EPB41L4A: variants seen among roughly 807,000 people sequenced by gnomAD.
EPB41L4A encodes the protein erythrocyte membrane protein band 4.1 like 4A, also known as band 4.1-like protein 4A.
A neutral mutation model predicts 108.6 loss-of-function variants in EPB41L4A; 100 were observed. That is an observed-to-expected ratio of 0.92 (90% confidence interval 0.78 to 1.09). The LOEUF (loss-of-function observed/expected upper bound fraction) is 1.09. Ranked by LOEUF, EPB41L4A falls within the 50% of genes least tolerant of loss-of-function variation. The pLI, the probability that EPB41L4A is intolerant of heterozygous loss-of-function variation, is 0.00. For missense variants in EPB41L4A, 1,030 were observed against 842.7 expected (o/e 1.22, Z -2.75); for synonymous variants, 319 against 289.0 (o/e 1.10, Z -1.05).
chr5:112,307,328 C>T, intron 2 of EPB41L4A, 58 bp downstream of exon 2: 1 of 1,141,198 alleles, frequency 8.8e-7, no homozygotes, highest in Middle Eastern at 1.9e-4. Flanking sequence ...TCAGGAAAAG[C>T]CAGAGATAGA....
intron 1 of EPB41L4A, among the ~76,000 whole-genome samples, chr5:112,325,207 T>G (rs1027536363): frequency 6.6e-6 from 1 of 152,136 alleles, no homozygotes; most frequent in Non-Finnish European, 1.5e-5. Context: ...TTTGGGAAGC[T>G]GAGGCGGGCA....
At chr5:112,322,035 C>G (rs1462742312) in intron 1 of EPB41L4A, among the ~76,000 whole-genome samples, 1 of 152,144 alleles carries the variant, frequency 6.6e-6, no homozygotes. Context: ...AATAATAAAA[C>G]CAGTAACAAT....
At chr5:112,305,981 T>G (rs552254554) in intron 2 of EPB41L4A, among the ~76,000 whole-genome samples, 9 of 152,240 alleles carry the variant, frequency 5.9e-5, no homozygotes, top group African/African-American at 1.2e-4. Context: ...ACTGCTACAG[T>G]AGGGGCCATT....
rs888736337 is a variant in EPB41L4A, at chr5:112,329,967, G to A, written c.100-22477C>T. ...AAGTCTGCTGAATCACTTTCAAACC[G>A]GATGTCCTTATTTGCAAAACAAATT... On this transcript the variant is annotated intron_variant, in intron 1 of 22. Coordinates refer to ENST00000261486, the MANE Select transcript of EPB41L4A (RefSeq NM_022140.5). Among the ~76,000 whole-genome samples, 9 of 152,206 alleles carry A rather than the reference G, an allele frequency of 5.9e-5. No homozygotes were observed. The South Asian group carries it at 6.2e-4, about 11-fold the overall frequency.
At chr5:112,254,421 C>G (rs576674542) in intron 9 of EPB41L4A, among the ~76,000 whole-genome samples, 1 of 152,324 alleles carries the variant, frequency 6.6e-6, no homozygotes, top group Admixed American at 6.5e-5. Context: ...GTGCTCACGT[C>G]TGTGGCATGT....
At chr5:112,382,315 T>C (rs546719684) in intron 1 of EPB41L4A, among the ~76,000 whole-genome samples, 2 of 151,906 alleles carry the variant, frequency 1.3e-5, no homozygotes, top group South Asian at 4.2e-4. Flanking sequence ...TTCTAACCAA[T>C]AATGGTTAGA....
intron 18 of EPB41L4A, among the ~76,000 whole-genome samples, chr5:112,173,980 C>T (rs1580366758): frequency 6.6e-6 from 1 of 152,116 alleles, no homozygotes. Flanking sequence ...ATCATCAGAC[C>T]TTCTAGCCAT....
chr5:112,375,897 T>A (rs1028613335), intron 1 of EPB41L4A, among the ~76,000 whole-genome samples: 2 of 152,132 alleles, frequency 1.3e-5, no homozygotes, highest in African/African-American at 4.8e-5. Flanking sequence ...AGGAGCAACA[T>A]CCCTGGGGAG....
Position 112,234,586 on chromosome 5 carries a change from T to A in EPB41L4A, c.1087+48A>T, listed in dbSNP as rs543677624. 1.3e-5 allele frequency: 21 copies of A among 1,595,358 alleles called. No homozygotes were observed. The South Asian group carries it at 1.9e-4, about 15-fold the overall frequency. ...CTGAGTATATCTTACACTACCAGCC[T>A]AAAGGAAAACAAGGTTACATAGATA... On this transcript the variant is annotated intron_variant, in intron 12 of 22. Coordinates refer to ENST00000261486, the MANE Select transcript of EPB41L4A (RefSeq NM_022140.5).
downstream of EPB41L4A, among the ~76,000 whole-genome samples, chr5:112,158,802 C>G (rs1425792973): frequency 1.3e-5 from 2 of 152,140 alleles, no homozygotes; most frequent in East Asian, 3.9e-4. Flanking sequence ...AATTACCTCC[C>G]ACCAGCTCCC....
rs191497417 is a variant in EPB41L4A at position 112,228,786 on chromosome 5, T to C, written c.1087+5848A>G. ...CCTCCTGCCGTCCCTTTTCTGGCTTTACCCAAGCTCCTCTGAGGCAGTTTA... is the reference window on the plus strand; with the variant it reads ...CCTCCTGCCGTCCCTTTTCTGGCTTCACCCAAGCTCCTCTGAGGCAGTTTA... On this transcript the variant is annotated intron_variant, in intron 12 of 22. Coordinates refer to ENST00000261486, the MANE Select transcript of EPB41L4A (RefSeq NM_022140.5). 13 of 978,194 alleles carry C rather than the reference T, an allele frequency of 1.3e-5. No homozygotes were observed. The Admixed American group carries it at 1.8e-4, about 14-fold the overall frequency. 60.6% of individuals were successfully genotyped at this position (978,194 alleles called of 1,614,324 possible). A position where few individuals can be genotyped will look rare whatever the true frequency, so the allele number is the denominator to read the frequency against.
rs1263147841 is a variant in EPB41L4A, at chr5:112,275,361, A to C, written c.300T>G (p.Ala100=). ...CTTCTTTAAGTTTACATGGATCTTCAGCATAGAATTTAATACCAAAATACA... is the reference window on the plus strand; with the variant it reads ...CTTCTTTAAGTTTACATGGATCTTCCGCATAGAATTTAATACCAAAATACA... ...YTLYFGIKFY[A]EDPCKLKEEI... Residue 100 remains alanine, a synonymous_variant, in exon 4 of 23, where the codon GCT becomes GCG. Coordinates refer to ENST00000261486, the MANE Select transcript of EPB41L4A (RefSeq NM_022140.5). The C allele has an allele frequency of 1.3e-6, 2 of 1,556,574 alleles. No individual in the cohort carries two copies. Among genetic ancestry groups the C allele is most frequent in the Non-Finnish European group, 8.7e-7 (1 of 1,144,404 alleles).
intron 2 of EPB41L4A, among the ~76,000 whole-genome samples, chr5:112,307,115 A>G (rs570712910): frequency 6.6e-6 from 1 of 152,290 alleles, no homozygotes; most frequent in East Asian, 1.9e-4. Flanking sequence ...CATGCTTTGC[A>G]TTCACTATGA....
chr5:112,143,021 C>G (rs1759120817), exon 14 of EPB41L4A: 1 of 152,118 alleles, frequency 6.6e-6, no homozygotes, highest in Non-Finnish European at 1.5e-5. Flanking sequence ...GGTTAGCCTG[C>G]TGGAGAGGCA....
At chr5:112,297,426 T>C (rs567520183) in intron 2 of EPB41L4A, among the ~76,000 whole-genome samples, 4 of 152,274 alleles carry the variant, frequency 2.6e-5, no homozygotes, top group African/African-American at 9.6e-5. Context: ...TTTGTTACCA[T>C]TTGTATATCT....
intron 1 of EPB41L4A, among the ~76,000 whole-genome samples, chr5:112,323,800 G>A (rs1051303220): frequency 2.0e-5 from 3 of 152,084 alleles, no homozygotes; most frequent in African/African-American, 7.2e-5. Flanking sequence ...AGTAGTCACA[G>A]ACTAAAGATA....
chr5:112,253,463 A>T (rs2150416195), intron 9 of EPB41L4A, among the ~76,000 whole-genome samples: 1 of 152,334 alleles, frequency 6.6e-6, no homozygotes, highest in African/African-American at 2.4e-5. Context: ...AAAGGAGGTT[A>T]TCTGAATTCT....
intron 1 of EPB41L4A, among the ~76,000 whole-genome samples, chr5:112,358,844 A>G (rs1235544453): frequency 6.6e-6 from 1 of 152,244 alleles, no homozygotes; most frequent in East Asian, 1.9e-4. Flanking sequence ...AAAATGAATT[A>G]CCAAACAAAA....
At chr5:112,342,575 G>C (rs1757383104) in intron 1 of EPB41L4A, among the ~76,000 whole-genome samples, 1 of 152,172 alleles carries the variant, frequency 6.6e-6, no homozygotes, top group Non-Finnish European at 1.5e-5. Context: ...CAATACATGT[G>C]AAATGCATTA....
Sources: gnomAD v4.1 joint callset for allele counts (sites outside exome capture counted in the v4.1 genomes callset) on GRCh38, gnomAD v4.1.1 for gene constraint, MANE v1.5 for transcripts, NCBI Gene and HGNC (gene_info 2026-07-23, HGNC 2026-07-21) for gene names.